Variants in LPIN2 observed in about 807,000 individuals in gnomAD.
The protein encoded by LPIN2 is lipin 2.
LPIN2 carries 55 observed loss-of-function variants against 111.4 expected under a neutral mutation model. The ratio of observed to expected loss-of-function variants is 0.49; its 90% CI spans 0.40 to 0.62. LPIN2 has a LOEUF of 0.62. Among genes scored for constraint, LPIN2 ranks in the 20% least tolerant of loss-of-function variants. The probability of loss-of-function intolerance (pLI) is 0.00; values close to 1 mark genes in which losing one functional copy is unlikely to be tolerated. For synonymous variants in LPIN2, 425 were observed against 414.0 expected (o/e 1.03, Z -0.32); for missense variants, 992 against 1,112.1 (o/e 0.89, Z 1.54).
At chr18:2,946,787 CACTA>C in intron 4 of LPIN2, 1 of 474,944 alleles carries the variant, frequency 2.1e-6, no homozygotes. Context: ...AACCAAAGAC[CACTA>C]ACTCTGTTAA....
rs1259100060 is a variant in LPIN2, at chr18:2,920,130, CT to C, written c.*162del. ...GAGCTGAGCTGCAGACCTGCCGAGC[CT>C]GAGCAGCTGGCCTGGGAAGGCAAAG... is the stretch of plus-strand genomic sequence containing the variant. On this transcript the variant is annotated 3_prime_UTR_variant, in exon 20 of 20. Coordinates refer to ENST00000677752, the MANE Select transcript of LPIN2 (RefSeq NM_001375808.2). 1.1e-6 allele frequency: 1 copy of C among 903,314 alleles called. No individual in the cohort carries two copies. Among genetic ancestry groups the C allele is most frequent in the East Asian group, 2.6e-5 (1 of 38,000 alleles). The allele number at this position is 903,314 out of a possible 1,614,324, so 56.0% of individuals were successfully genotyped here.
chr18:3,009,223 C>G (rs2078563999), intron 1 of LPIN2, among the ~76,000 whole-genome samples: 1 of 151,718 alleles, frequency 6.6e-6, no homozygotes, highest in South Asian at 2.1e-4. Context: ...CACAGTGAAA[C>G]CCTGTCTCTC....
At chr18:2,958,141 CAAAAAAAAAAAAAAAACAACAAA>C (rs1161591432) in intron 2 of LPIN2, among the ~76,000 whole-genome samples, 1 of 11,954 alleles carries the variant, frequency 8.4e-5, no homozygotes, top group Non-Finnish European at 2.0e-4. Flanking sequence ...GACTCCATCT[CAAAAAAAAAAAAAAAACAACAAA>C]AAAAAAAAAC....
chr18:2,924,531 G>A lies in LPIN2; in HGVS notation c.1954C>T (p.His652Tyr), dbSNP rs1402407709. 1.9e-6 allele frequency: 3 copies of A among 1,614,172 alleles called. No individual in the cohort carries two copies. The highest frequency in any genetic ancestry group is 4.5e-5 in the East Asian group (2 of 44,888). Residue 652 changes from histidine (H) to tyrosine (Y), a missense_variant, in exon 15 of 20, where the codon CAC becomes TAC. Physicochemically the swap from His to Tyr is moderately conservative, Grantham distance 83 (BLOSUM62 2). Around this residue, in one of 4 missense-constraint regions of LPIN2, gnomAD observed 709 missense variants for 753.2 expected, o/e 0.94. Coordinates refer to ENST00000677752, the MANE Select transcript of LPIN2 (RefSeq NM_001375808.2). ...AACACAACATCATTTGGGCCATCGT[G>A]GAGCTTCAGTTTTGCCTTTTAAAAA... ...SSDQIAKLKL[H>Y]DGPNDVVFSI...
rs140307720 is a variant in LPIN2 at position 2,937,642 on chromosome 18, T to C, written c.1168+50A>G. The C allele has an allele frequency of 1.9e-3, 2,856 of 1,478,458 alleles. 17 individuals are homozygous for C. The highest frequency in any genetic ancestry group is 3.5e-3 in the Admixed American group (205 of 59,308). 91.6% of individuals were successfully genotyped at this position (1,478,458 alleles called of 1,614,324 possible). A position where few individuals can be genotyped will look rare whatever the true frequency, so the allele number is the denominator to read the frequency against. On this transcript the variant is annotated intron_variant, in intron 7 of 19. Coordinates refer to ENST00000677752, the MANE Select transcript of LPIN2 (RefSeq NM_001375808.2). ...CACGTTATGTGGAACACTGAAATAA[T>C]TTACCATCTAATTTGAGAGTACCTG...
At chr18:2,968,728 T>G (rs973119166) in intron 1 of LPIN2, among the ~76,000 whole-genome samples, 3 of 152,166 alleles carry the variant, frequency 2.0e-5, no homozygotes, top group Non-Finnish European at 2.9e-5. Context: ...GAAAGTGTGC[T>G]AAGTTTGAGG....
chr18:2,995,960 C>CA (rs1357396082), intron 1 of LPIN2, among the ~76,000 whole-genome samples: 1 of 152,114 alleles, frequency 6.6e-6, no homozygotes, highest in Non-Finnish European at 1.5e-5. Context: ...AGCAGGGTAC[C>CA]AAGCTTCCTT....
chr18:2,959,773 G>A (rs772684696), intron 2 of LPIN2, among the ~76,000 whole-genome samples: 2 of 152,114 alleles, frequency 1.3e-5, no homozygotes, highest in Non-Finnish European at 2.9e-5. Flanking sequence ...CAAATATGGG[G>A]ACAAGTCCTG....
chr18:3,005,676 TACAC>T (rs34050872), intron 1 of LPIN2, among the ~76,000 whole-genome samples: 1,621 of 146,258 alleles, frequency 0.011, 17 homozygotes, highest in African/African-American at 0.029. Context: ...GACACTATCT[TACAC>T]ACACACACAC....
In LPIN2 at chr18:2,960,846, G is replaced by C. The variant is rs1175631701; in HGVS notation, c.-6C>G. ...AGCTGTCCCACATAATTCATGGTTTGAGACTACAAGAAACAAAAATTAGAT... is the reference window on the plus strand; with the variant it reads ...AGCTGTCCCACATAATTCATGGTTTCAGACTACAAGAAACAAAAATTAGAT... On this transcript the variant is annotated 5_prime_UTR_variant, in exon 2 of 20. Transcript: ENST00000677752. 1 of 1,612,616 alleles carries C rather than the reference G, an allele frequency of 6.2e-7. No homozygotes were observed. The highest frequency in any genetic ancestry group is 1.3e-5 in the African/African-American group (1 of 74,866).
intron 2 of LPIN2, among the ~76,000 whole-genome samples, chr18:2,959,704 ATCTTCCC>A (rs2077677460): frequency 6.6e-6 from 1 of 152,224 alleles, no homozygotes; most frequent in Non-Finnish European, 1.5e-5. Flanking sequence ...TCCTGAATGA[ATCTTCCC>A]TAAAACAAAC....
rs751525386 is a variant in LPIN2 at position 2,929,060 on chromosome 18, T to C, written c.1550+5A>G. 9 of 1,539,170 alleles carry C rather than the reference T, an allele frequency of 5.8e-6. No individual in the cohort carries two copies. The East Asian group carries it at 2.0e-4, about 35-fold the overall frequency. ...TTTAACAATTATAAAAGCAGGAGTA[T>C]TTACCGATTATATATCCTTATTACA... On this transcript the variant is annotated splice_donor_5th_base_variant and intron_variant, in intron 10 of 19. Transcript: ENST00000677752.
chr18:2,970,415 A>C (rs895002419), intron 1 of LPIN2, among the ~76,000 whole-genome samples: 2 of 152,212 alleles, frequency 1.3e-5, no homozygotes, highest in Non-Finnish European at 2.9e-5. Context: ...GCCACCCAAG[A>C]CTGGGAGGGC....
rs561729944 is a variant in LPIN2 at position 2,965,193 on chromosome 18, A to G, written c.-9-4344T>C. Among the ~76,000 whole-genome samples the G allele has an allele frequency of 2.8e-3, 421 of 152,324 alleles. 1 individual carries two copies. The highest frequency in any genetic ancestry group is 9.5e-3 in the African/African-American group (393 of 41,578). ...TAAGCAACTACAATACTTATTAGAG[A>G]CCAAATGGCCCTTCGCATATAAAAT... On this transcript the variant is annotated intron_variant, in intron 1 of 19. Coordinates refer to ENST00000677752, the MANE Select transcript of LPIN2 (RefSeq NM_001375808.2).
intron 18 of LPIN2, chr18:2,921,318 G>A (rs1191753002): frequency 2.3e-5 from 14 of 610,542 alleles, no homozygotes; most frequent in South Asian, 1.2e-4. Flanking sequence ...ATGGAAAAGC[G>A]TCCTTCGTAT....
rs775976047 is a variant in LPIN2, at chr18:2,921,590, C to G, written c.2385G>C (p.Lys795Asn). 6 of 1,614,036 alleles carry G rather than the reference C, an allele frequency of 3.7e-6. No homozygotes were observed. Among genetic ancestry groups the G allele is most frequent in the Non-Finnish European group, 5.1e-6 (6 of 1,180,030 alleles). Residue 795 changes from lysine (K) to asparagine (N), a missense_variant, in exon 18 of 20, where the codon AAG becomes AAC. By Grantham distance (94) the Lys-to-Asn change is moderately conservative. Transcript: ENST00000677752. ...GCTGCTTAGACGGGGCAAACAGATT[C>G]TTGATATCATTTAGACACTCAATTT... ...KFKIECLNDI[K>N]NLFAPSKQPF...
At chr18:2,956,311 G>GGTGGGTGTGTGTGTGTGTGT (rs1555678040) in intron 2 of LPIN2, among the ~76,000 whole-genome samples, 2 of 143,960 alleles carry the variant, frequency 1.4e-5, no homozygotes, top group Non-Finnish European at 3.0e-5. Flanking sequence ...TAGATGCAGG[G>GGTGGGTGTGTGTGTGTGTGT]GTGTGTGTGT....
chr18:2,946,779 C>T (rs2077458959), intron 4 of LPIN2: 5 of 485,980 alleles, frequency 1.0e-5, no homozygotes, highest in Non-Finnish European at 3.8e-6. Context: ...ACCACCATAA[C>T]CAAAGACCAC....
intron 18 of LPIN2, 115 bp from the exon 19 acceptor site, chr18:2,920,996 A>T (rs1184689701): frequency 3.9e-6 from 3 of 760,826 alleles, no homozygotes; most frequent in African/African-American, 1.7e-5. Flanking sequence ...AAACATGCGG[A>T]GGCGGCACAG....
Sources: gnomAD v4.1 joint callset for allele counts (sites outside exome capture counted in the v4.1 genomes callset) on GRCh38, gnomAD v4.1.1 for gene constraint, gnomAD v4.1.1 regional missense constraint, MANE v1.5 for transcripts, NCBI Gene and HGNC (gene_info 2026-07-23, HGNC 2026-07-21) for gene names.